Variants in PGBD5 observed in about 807,000 individuals in gnomAD.
PGBD5 encodes piggyBac transposable element derived 5.
In PGBD5, 14 loss-of-function variants were observed where a neutral mutation model predicts 47.9. The ratio of observed to expected loss-of-function variants is 0.29; its 90% CI spans 0.19 to 0.46. The LOEUF (loss-of-function observed/expected upper bound fraction) is 0.46. PGBD5 is among the 20% of genes least tolerant of loss of function. PGBD5 has a pLI of 1.00. For synonymous variants in PGBD5, 316 were observed against 306.3 expected (o/e 1.03, Z -0.33); for missense variants, 635 against 716.0 (o/e 0.89, Z 1.29).
At chr1:230,361,252 A>G (rs1459549097) in intron 1 of PGBD5, among the ~76,000 whole-genome samples, 2 of 152,292 alleles carry the variant, frequency 1.3e-5, no homozygotes, top group South Asian at 2.1e-4. Flanking sequence ...GTAACTCTGA[A>G]GGGGAAGGGA....
In PGBD5 at chr1:230,332,950, G is replaced by T; in HGVS notation, c.1167C>A (p.Ala389=). ...SMLTNPATPP[A]RGQYQIKMKG... ...TCATCTTGATTTGGTACTGGCCCCG[G>T]GCCGGGGGTGTGGCTGGGTTGGTCA... The change falls in exon 5 of 7, where the codon GCC becomes GCA. Residue 389 remains alanine, a synonymous_variant. Coordinates refer to ENST00000391860, the MANE Select transcript of PGBD5 (RefSeq NM_001258311.2). 6.2e-7 allele frequency: 1 copy of T among 1,614,178 alleles called. No individual in the cohort carries two copies. Among genetic ancestry groups the T allele is most frequent in the Non-Finnish European group, 8.5e-7 (1 of 1,180,002 alleles).
chr1:230,359,271 C>G (rs1217041403), intron 1 of PGBD5, among the ~76,000 whole-genome samples: 1 of 152,078 alleles, frequency 6.6e-6, no homozygotes, highest in African/African-American at 2.4e-5. Flanking sequence ...CTATCTCTGC[C>G]CAGGCTGGTC....
chr1:230,419,042 C>T (rs979739724), intron 1 of PGBD5, among the ~76,000 whole-genome samples: 1 of 152,214 alleles, frequency 6.6e-6, no homozygotes. Context: ...TTTGACCCAG[C>T]CATCCCATTA....
At position 230,317,548 on chromosome 1, in the gene PGBD5, C is replaced by T. The variant is rs1205511962; in HGVS notation, c.*5877G>A. On this transcript the variant is annotated 3_prime_UTR_variant, in exon 7 of 7. Coordinates refer to ENST00000391860, the MANE Select transcript of PGBD5 (RefSeq NM_001258311.2). ...AAGAATGAATCAAAGACTAGCGAGA[C>T]GCACCAAGAACAGAGGTGCGCTGCC... is the stretch of plus-strand genomic sequence containing the variant. 2.0e-5 allele frequency: 3 copies of T among 152,190 alleles called. No individual in the cohort carries two copies. The highest frequency in any genetic ancestry group is 4.4e-5 in the Non-Finnish European group (3 of 68,050). 9.4% of individuals were successfully genotyped at this position (152,190 alleles called of 1,614,324 possible).
At chr1:230,394,997 C>A (rs1336021368) in intron 1 of PGBD5, among the ~76,000 whole-genome samples, 14 of 130,368 alleles carry the variant, frequency 1.1e-4, no homozygotes, top group South Asian at 2.8e-4. Flanking sequence ...TCCTCTCCTC[C>A]CACTCCTCCC....
chr1:230,387,917 G>C (rs560485690), intron 1 of PGBD5, among the ~76,000 whole-genome samples: 1 of 152,272 alleles, frequency 6.6e-6, no homozygotes, highest in South Asian at 2.1e-4. Context: ...GGGAAGTTAC[G>C]TGGAGGGATG....
At chr1:230,363,556 TGGGTGA>T (rs1667783198) in intron 1 of PGBD5, among the ~76,000 whole-genome samples, 1 of 151,328 alleles carries the variant, frequency 6.6e-6, no homozygotes, top group Non-Finnish European at 1.5e-5. Context: ...CACTCCAGCC[TGGGTGA>T]CAGAGCGAGA....
intron 3 of PGBD5, 98 bp downstream of exon 3, chr1:230,350,860 T>G: frequency 2.0e-6 from 3 of 1,508,046 alleles, no homozygotes; most frequent in Non-Finnish European, 2.7e-6. Flanking sequence ...GAAAAGGGTA[T>G]GTGAACAAGT....
chr1:230,396,435 C>T, intron 1 of PGBD5, among the ~76,000 whole-genome samples: 1 of 137,084 alleles, frequency 7.3e-6, no homozygotes, highest in Admixed American at 7.2e-5. Context: ...CACCATCCTC[C>T]CTTTCACTCT....
intron 1 of PGBD5, among the ~76,000 whole-genome samples, chr1:230,414,567 T>C (rs1048420615): frequency 7.2e-5 from 11 of 152,208 alleles, no homozygotes; most frequent in Non-Finnish European, 1.5e-4. Flanking sequence ...GAAAAACAAC[T>C]GTTGTCTCAA....
chr1:230,345,580 T>C (rs1221316359), intron 3 of PGBD5, among the ~76,000 whole-genome samples: 1 of 152,184 alleles, frequency 6.6e-6, no homozygotes, highest in Non-Finnish European at 1.5e-5. Flanking sequence ...CAGTCTCCAA[T>C]TTACACTGGT....
At chr1:230,413,822 T>C (rs1313522371) in intron 1 of PGBD5, among the ~76,000 whole-genome samples, 1 of 152,204 alleles carries the variant, frequency 6.6e-6, no homozygotes, top group Non-Finnish European at 1.5e-5. Flanking sequence ...CCAGGAGTTA[T>C]GCTGTTTGAG....
chr1:230,323,173 G>A lies in PGBD5; in HGVS notation c.*252C>T, dbSNP rs903580443. On this transcript the variant is annotated 3_prime_UTR_variant, in exon 7 of 7. Coordinates refer to ENST00000391860, the MANE Select transcript of PGBD5 (RefSeq NM_001258311.2). This position sits in a 1 kb window ranked among gnomAD's most constrained non-coding sequence, Gnocchi z 4.1. Reference sequence around the variant, plus strand: ...ATGTCATGAGAGAATCTGCCCTTGAGAACGTGGGTGTAAGTGCTCATCACA... The same window carrying A: ...ATGTCATGAGAGAATCTGCCCTTGAAAACGTGGGTGTAAGTGCTCATCACA... 1 of 494,942 alleles carries A rather than the reference G, an allele frequency of 2.0e-6. No homozygotes were observed. Among genetic ancestry groups the A allele is most frequent in the African/African-American group, 1.9e-5 (1 of 52,004 alleles). 30.7% of individuals were successfully genotyped at this position (494,942 alleles called of 1,614,324 possible).
In PGBD5 at chr1:230,325,333, G is replaced by A. The variant is rs2306813; in HGVS notation, c.1356C>T (p.Cys452=). 291,116 of 1,612,022 alleles carry A rather than the reference G, an allele frequency of 0.18. 28,748 individuals are homozygous for A. Among genetic ancestry groups the A allele is most frequent in the East Asian group, 0.47 (21,013 of 44,758 alleles). ...ACTTGCTGTATTTGTCATCGTATCT[G>A]CAGATGTAGCTCAGGTGAGCGGCAA... is the stretch of plus-strand genomic sequence containing the variant. ...EAFAAHLSYI[C]RYDDKYSKYF... Residue 452 remains cysteine, a synonymous_variant, in exon 6 of 7, where the codon TGC becomes TGT. Coordinates refer to ENST00000391860, the MANE Select transcript of PGBD5 (RefSeq NM_001258311.2).
At position 230,358,505 on chromosome 1, in the gene PGBD5, C is replaced by CT. The variant is rs745457821; in HGVS notation, c.332-1185dup. Among the ~76,000 whole-genome samples the CT allele has an allele frequency of 4.2e-4, 64 of 152,166 alleles. 1 individual carries two copies. Among genetic ancestry groups the CT allele is most frequent in the Admixed American group, 2.0e-3 (30 of 15,276 alleles). ...TGACTAGGGACTACATCTGAAGGGG[C>CT]TTATTCATATAATTTCACATATAGG... On this transcript the variant is annotated intron_variant, in intron 1 of 6. Transcript: ENST00000391860.
At chr1:230,331,526 A>G (rs1667214774) in intron 5 of PGBD5, among the ~76,000 whole-genome samples, 1 of 152,068 alleles carries the variant, frequency 6.6e-6, no homozygotes, top group South Asian at 2.1e-4. Flanking sequence ...TCATCACTGG[A>G]GTCTGGAAGT....
At chr1:230,402,722 A>G (rs1657171851) in intron 1 of PGBD5, among the ~76,000 whole-genome samples, 1 of 152,184 alleles carries the variant, frequency 6.6e-6, no homozygotes, top group South Asian at 2.1e-4. Context: ...TCCTTGGCTC[A>G]AGCAGTCCTT....
intron 4 of PGBD5, among the ~76,000 whole-genome samples, chr1:230,335,836 TACAC>T (rs964271703): frequency 3.2e-4 from 12 of 37,970 alleles, no homozygotes; most frequent in African/African-American, 1.1e-3. Context: ...GACATACACA[TACAC>T]ACACAGACAC....
intron 5 of PGBD5, among the ~76,000 whole-genome samples, chr1:230,331,191 T>G (rs1667208395): frequency 6.6e-6 from 1 of 152,016 alleles, no homozygotes; most frequent in East Asian, 1.9e-4. Context: ...GGCTAGAGGA[T>G]CACTTGAGGC....
Sources: gnomAD v4.1 joint callset for allele counts (sites outside exome capture counted in the v4.1 genomes callset) on GRCh38, gnomAD v4.1.1 for gene constraint, Gnocchi (gnomAD v3.1) non-coding constraint, MANE v1.5 for transcripts, NCBI Gene and HGNC (gene_info 2026-07-23, HGNC 2026-07-21) for gene names.